P4HB: variants seen among roughly 807,000 people sequenced by gnomAD.
P4HB encodes the protein prolyl 4-hydroxylase subunit beta.
Under a neutral mutation model 52.6 loss-of-function variants are expected in P4HB, and 20 were observed. That is an observed-to-expected ratio of 0.38 (90% CI 0.27 to 0.55). The LOEUF is 0.55. Among genes scored for constraint, P4HB ranks in the 20% least tolerant of loss-of-function variants. P4HB has a pLI of 0.74. For synonymous variants in P4HB, 296 were observed against 277.9 expected (o/e 1.07, Z -0.65); for missense variants, 601 against 669.2 (o/e 0.90, Z 1.12).
At chr17:81,859,514 C>A in intron 1 of P4HB, 127 bp from the exon 2 acceptor site, 2 of 778,290 alleles carry the variant, frequency 2.6e-6, no homozygotes, top group Non-Finnish European at 4.2e-6. Context: ...ACCAAGATAA[C>A]CCCTCCTAAC....
At chr17:81,845,469 C>A in intron 9 of P4HB, 92 bp downstream of exon 9, 1 of 1,295,786 alleles carries the variant, frequency 7.7e-7, no homozygotes, top group Non-Finnish European at 1.1e-6. Flanking sequence ...CCTGACTAGC[C>A]CCAGGCTCCT....
intron 4 of P4HB, among the ~76,000 whole-genome samples, chr17:81,849,427 C>T (rs1471648731): frequency 2.0e-5 from 3 of 152,130 alleles, no homozygotes; most frequent in Middle Eastern, 3.4e-3. Flanking sequence ...ACCCAGGAGG[C>T]GGAGGTTGCA....
At chr17:81,844,809 C>T (rs143252099) in intron 10 of P4HB, among the ~76,000 whole-genome samples, 1 of 152,406 alleles carries the variant, frequency 6.6e-6, no homozygotes, top group Non-Finnish European at 1.5e-5. Context: ...CGGGCCCCGC[C>T]AGCGGGCTGG....
chr17:81,850,702 C>G (rs1421227017), intron 4 of P4HB, among the ~76,000 whole-genome samples: 1 of 151,936 alleles, frequency 6.6e-6, no homozygotes, highest in African/African-American at 2.4e-5. Flanking sequence ...AGGCTGGTCT[C>G]AAGCTCCTGA....
intron 4 of P4HB, among the ~76,000 whole-genome samples, chr17:81,854,505 G>A (rs998276108): frequency 7.4e-5 from 11 of 148,366 alleles, no homozygotes; most frequent in Non-Finnish European, 1.6e-4. Context: ...ATGCACCACC[G>A]CACTCCAGCC....
At chr17:81,860,226 G>T in intron 1 of P4HB, 101 bp downstream of exon 1, 1 of 1,014,644 alleles carries the variant, frequency 9.9e-7, no homozygotes, top group Non-Finnish European at 1.3e-6. Context: ...TTCCGGGCGC[G>T]CCGGGGGTCC....
chr17:81,849,232 C>T (rs547875233), intron 4 of P4HB, among the ~76,000 whole-genome samples: 79 of 151,992 alleles, frequency 5.2e-4, no homozygotes, highest in African/African-American at 1.9e-3. Flanking sequence ...TGGTGGCTCA[C>T]GCCTGTAATC....
chr17:81,859,166 G>A lies in P4HB; in HGVS notation c.352+15C>T, dbSNP rs1162635491. 1 of 1,610,914 alleles carries A rather than the reference G, an allele frequency of 6.2e-7. No homozygotes were observed. Among genetic ancestry groups the A allele is most frequent in the Non-Finnish European group, 8.5e-7 (1 of 1,177,346 alleles). ...CCTCTCTAAAGACAGTTCAAGGGCA[G>A]TGCCACAGCCACACCTGTATATTCC... On this transcript the variant is annotated intron_variant, in intron 2 of 10. Transcript: ENST00000331483.
chr17:81,851,699 C>A (rs2038833385), intron 4 of P4HB, among the ~76,000 whole-genome samples: 1 of 152,202 alleles, frequency 6.6e-6, no homozygotes, highest in South Asian at 2.1e-4. Flanking sequence ...TCAGGCGCCG[C>A]CTACACCATC....
intron 2 of P4HB, among the ~76,000 whole-genome samples, chr17:81,856,174 T>C (rs1017446389): frequency 6.6e-6 from 1 of 151,408 alleles, no homozygotes; most frequent in Non-Finnish European, 1.5e-5. Context: ...CAGCCCTTTT[T>C]TTTTTCTTGG....
rs8324 is a variant in P4HB, at chr17:81,843,412, C to A, written c.*600G>T. ...GGGGAAGGCCCAGGCCTGTGCCGGG[C>A]CCCAGGGCTGGCAGCCACCAGCTCC... On this transcript the variant is annotated 3_prime_UTR_variant, in exon 11 of 11. Coordinates refer to ENST00000331483, the MANE Select transcript of P4HB (RefSeq NM_000918.4). 0.2 allele frequency: 78,699 copies of A among 399,174 alleles called. 8,300 individuals carry two copies. The highest frequency in any genetic ancestry group is 0.31 in the East Asian group (8,679 of 28,020). The allele number at this position is 399,174 out of a possible 1,614,324, so 24.7% of individuals were successfully genotyped here.
In P4HB at chr17:81,843,975, G is replaced by A. The variant is rs745389097; in HGVS notation, c.*37C>T. On this transcript the variant is annotated 3_prime_UTR_variant, in exon 11 of 11. Coordinates refer to ENST00000331483, the MANE Select transcript of P4HB (RefSeq NM_000918.4). ...CGCTGCTGCTGGGTGTGCAGCCCCC[G>A]AGGGGTCTCGGCAGCGCCCGGGTCT... is the stretch of plus-strand genomic sequence containing the variant. 2.3e-5 allele frequency: 34 copies of A among 1,486,582 alleles called. No homozygotes were observed. Among genetic ancestry groups the A allele is most frequent in the Admixed American group, 1.5e-4 (9 of 59,868 alleles). 92.1% of individuals were successfully genotyped at this position (1,486,582 alleles called of 1,614,324 possible).
Position 81,845,170 on chromosome 17 carries a change from C to T in P4HB, c.1420G>A (p.Gly474Ser), listed in dbSNP as rs200658612. Residue 474 changes from glycine (G) to serine (S), a missense_variant, in exon 10 of 11, where the codon GGC (glycine) becomes AGC (serine). Gly to Ser is a moderately conservative substitution (Grantham distance 56, BLOSUM62 0). Coordinates refer to ENST00000331483, the MANE Select transcript of P4HB (RefSeq NM_000918.4). ...DGFKKFLESG[G>S]QDGAGDDDDL... is the part of the protein sequence containing the mutation. ...TCATCATCCCCTGCCCCATCCTGGC[C>T]ACCGCTCTCCAGGAATTTCTTAAAA... 24 of 1,613,628 alleles carry T rather than the reference C, an allele frequency of 1.5e-5. No homozygotes were observed. Among genetic ancestry groups the T allele is most frequent in the Non-Finnish European group, 1.9e-5 (22 of 1,179,734 alleles).
rs545379549 is a variant in P4HB, at chr17:81,846,213, T to G, written c.1056+216A>C. ...CCGCACCCTCGCCGGCCAGGAGGTT[T>G]CCCTGAGGAGCATCTGGGCCAGCCG... On this transcript the variant is annotated intron_variant, in intron 7 of 10. Coordinates refer to ENST00000331483, the MANE Select transcript of P4HB (RefSeq NM_000918.4). This position sits in a 1 kb window ranked among gnomAD's most constrained non-coding sequence, Gnocchi z 5.7. The G allele has an allele frequency of 2.6e-4, 190 of 731,006 alleles. No individual in the cohort carries two copies. In the African/African-American group the frequency reaches 3.1e-3, roughly 12 times the overall value. The allele number at this position is 731,006 out of a possible 1,614,324, so 45.3% of individuals were successfully genotyped here. A position where few individuals can be genotyped will look rare whatever the true frequency, so the allele number is the denominator to read the frequency against.
chr17:81,844,656 C>G (rs1477658592), intron 10 of P4HB, among the ~76,000 whole-genome samples: 1 of 152,192 alleles, frequency 6.6e-6, no homozygotes, highest in Non-Finnish European at 1.5e-5. Context: ...ATCTCCTTCA[C>G]CATGGTCAAG....
intron 4 of P4HB, among the ~76,000 whole-genome samples, chr17:81,851,087 C>T (rs909312187): frequency 1.3e-5 from 2 of 152,094 alleles, no homozygotes; most frequent in Admixed American, 6.6e-5. Flanking sequence ...CCCGCCACCA[C>T]GCCCGGCTAA....
intron 8 of P4HB, 59 bp from the exon 9 acceptor site, chr17:81,845,801 C>T (rs563771798): frequency 1.2e-6 from 2 of 1,612,704 alleles, no homozygotes; most frequent in East Asian, 4.5e-5. Flanking sequence ...CAGACGCTTC[C>T]CCAGGAGTCT....
intron 4 of P4HB, among the ~76,000 whole-genome samples, chr17:81,850,835 CCAGGCTGGT>C (rs1484350661): frequency 1.3e-5 from 2 of 151,938 alleles, no homozygotes; most frequent in Non-Finnish European, 2.9e-5. Context: ...ACTATGTTGC[CCAGGCTGGT>C]CTCAGACTCC....
intron 4 of P4HB, among the ~76,000 whole-genome samples, chr17:81,853,095 G>A (rs1438189576): frequency 2.0e-5 from 3 of 152,182 alleles, no homozygotes; most frequent in East Asian, 1.9e-4. Context: ...TCAAGAGAAT[G>A]TCTCCTGGTA....
Sources: allele counts gnomAD v4.1 joint callset (sites outside exome capture counted in the v4.1 genomes callset), GRCh38; gene constraint gnomAD v4.1.1; non-coding constraint Gnocchi (gnomAD v3.1); transcripts MANE v1.5; gene names NCBI Gene and HGNC (gene_info 2026-07-23, HGNC 2026-07-21).